CCDC91: variants seen among roughly 807,000 people sequenced by gnomAD.
CCDC91 encodes the protein coiled-coil domain-containing protein 91.
A neutral mutation model predicts 63.2 loss-of-function variants in CCDC91; 48 were observed. The ratio of observed to expected loss-of-function variants is 0.76; its 90% CI spans 0.60 to 0.97. CCDC91 has a LOEUF of 0.97. Among genes scored for constraint, CCDC91 ranks in the 50% least tolerant of loss-of-function variants. The pLI, the probability that CCDC91 is intolerant of heterozygous loss-of-function variation, is 0.00. For missense variants in CCDC91, 500 were observed against 494.6 expected (o/e 1.01, Z -0.10); for synonymous variants, 167 against 165.8 (o/e 1.01, Z -0.06).
intron 8 of CCDC91, among the ~76,000 whole-genome samples, chr12:28,448,152 T>C (rs1949627857): frequency 6.6e-6 from 1 of 152,124 alleles, no homozygotes; most frequent in Non-Finnish European, 1.5e-5. Context: ...AGGGTAGGAT[T>C]ATTGTTGAAA....
Position 28,450,272 on chromosome 12 carries a change from T to C in CCDC91, c.855+19T>C, listed in dbSNP as rs1264351562. The C allele has an allele frequency of 6.3e-7, 1 of 1,585,844 alleles. No individual in the cohort carries two copies. Among genetic ancestry groups the C allele is most frequent in the African/African-American group, 1.3e-5 (1 of 74,324 alleles). The stretch of plus-strand genomic sequence containing the variant: ...ACAGAAGGTAATACTTTAACTGTGC[T>C]CAGAGTGTAGAAAGAATGTGTTCTG... On this transcript the variant is annotated intron_variant, in intron 9 of 12. Transcript: ENST00000536442.
chr12:28,387,017 C>T (rs1945645751), intron 7 of CCDC91, among the ~76,000 whole-genome samples: 1 of 151,884 alleles, frequency 6.6e-6, no homozygotes, highest in Non-Finnish European at 1.5e-5. Flanking sequence ...CAGAAGAAGA[C>T]AATCAGCAAA....
chr12:28,391,326 A>G lies in CCDC91; in HGVS notation c.677A>G (p.Lys226Arg). 1 of 1,612,634 alleles carries G rather than the reference A, an allele frequency of 6.2e-7. No homozygotes were observed. Among genetic ancestry groups the G allele is most frequent in the Non-Finnish European group, 8.5e-7 (1 of 1,178,830 alleles). Residue 226 changes from lysine (K) to arginine (R), a missense_variant, in exon 8 of 13, where the codon AAG becomes AGG. Coordinates refer to ENST00000536442, the MANE Select transcript of CCDC91 (RefSeq NM_018318.5). ...CAGGCACTACTGCAGTCTTCAGTTAAGCAACAAGTAGAAGCTATTGAAAAA... is the reference window on the plus strand; with the variant it reads ...CAGGCACTACTGCAGTCTTCAGTTAGGCAACAAGTAGAAGCTATTGAAAAA... ...EYKALLQSSV[K>R]QQVEAIEKQY...
intron 8 of CCDC91, among the ~76,000 whole-genome samples, chr12:28,439,344 C>G (rs1398982077): frequency 3.3e-5 from 5 of 152,068 alleles, no homozygotes; most frequent in Non-Finnish European, 7.4e-5. Flanking sequence ...GTCCGTGAAT[C>G]ATTTTATTTT....
intron 12 of CCDC91, among the ~76,000 whole-genome samples, chr12:28,523,468 C>G (rs967176284): frequency 3.9e-5 from 6 of 152,086 alleles, no homozygotes; most frequent in African/African-American, 1.2e-4. Flanking sequence ...CTATGTGTGT[C>G]TCTGCACATG....
intron 6 of CCDC91, among the ~76,000 whole-genome samples, chr12:28,357,975 G>A (rs1364643167): frequency 6.6e-6 from 1 of 152,114 alleles, no homozygotes; most frequent in Non-Finnish European, 1.5e-5. Context: ...ATGAATTTTA[G>A]TATGACTATT....
intron 12 of CCDC91, among the ~76,000 whole-genome samples, chr12:28,498,739 T>C (rs1952452203): frequency 6.6e-6 from 1 of 151,764 alleles, no homozygotes; most frequent in South Asian, 2.1e-4. Flanking sequence ...ATTATGTTCA[T>C]GTTTTTATCA....
chr12:28,248,060 C>T (rs1157542744), intron 1 of CCDC91, among the ~76,000 whole-genome samples: 2 of 152,038 alleles, frequency 1.3e-5, no homozygotes, highest in Admixed American at 1.3e-4. Context: ...TTCGTGTCCG[C>T]GGGTTGGGGA....
intron 8 of CCDC91, among the ~76,000 whole-genome samples, chr12:28,443,795 A>G (rs1384833314): frequency 2.0e-5 from 3 of 152,202 alleles, no homozygotes; most frequent in Admixed American, 6.5e-5. Context: ...ACAAAATAGA[A>G]TAAAAATTAT....
chr12:28,207,301 C>CAGTT (rs1942927714), intron 1 of CCDC91, among the ~76,000 whole-genome samples: 1 of 152,068 alleles, frequency 6.6e-6, no homozygotes, highest in South Asian at 2.1e-4. Context: ...AATGGGTGTA[C>CAGTT]AGTTCCAAGA....
intron 1 of CCDC91, among the ~76,000 whole-genome samples, chr12:28,228,034 T>C (rs1944377454): frequency 6.6e-6 from 1 of 152,064 alleles, no homozygotes; most frequent in Non-Finnish European, 1.5e-5. Context: ...TTATTGTTCT[T>C]TGCCTCCTTC....
intron 1 of CCDC91, among the ~76,000 whole-genome samples, chr12:28,203,762 A>G (rs7957503): frequency 0.26 from 39,672 of 152,048 alleles, 5,440 homozygotes; most frequent in Non-Finnish European, 0.31. Flanking sequence ...CAGACATAGA[A>G]CATTATTAGC....
At chr12:28,496,123 G>A (rs1033420719) in intron 12 of CCDC91, among the ~76,000 whole-genome samples, 5 of 151,538 alleles carry the variant, frequency 3.3e-5, no homozygotes, top group Non-Finnish European at 7.4e-5. Flanking sequence ...TTATTAAAAC[G>A]ATATTAGGTA....
intron 6 of CCDC91, among the ~76,000 whole-genome samples, chr12:28,344,694 C>G (rs1208372575): frequency 2.0e-5 from 3 of 152,236 alleles, no homozygotes; most frequent in Admixed American, 2.0e-4. Flanking sequence ...CACAATAACC[C>G]TGTGAGATTG....
intron 8 of CCDC91, among the ~76,000 whole-genome samples, chr12:28,431,400 A>G (rs1948617898): frequency 1.3e-5 from 2 of 152,036 alleles, no homozygotes; most frequent in Non-Finnish European, 2.9e-5. Flanking sequence ...TGGAATATGA[A>G]GTTATGTTAT....
intron 1 of CCDC91, among the ~76,000 whole-genome samples, chr12:28,199,582 CT>C (rs1318208381): frequency 2.6e-5 from 4 of 152,058 alleles, no homozygotes; most frequent in African/African-American, 9.7e-5. Flanking sequence ...GTCTCTTGTC[CT>C]TTCAGTTCAG....
At chr12:28,405,384 T>C (rs1946873458) in intron 8 of CCDC91, among the ~76,000 whole-genome samples, 1 of 152,288 alleles carries the variant, frequency 6.6e-6, no homozygotes, top group South Asian at 2.1e-4. Flanking sequence ...CTCATATATA[T>C]TGTTGCTATT....
intron 11 of CCDC91, among the ~76,000 whole-genome samples, chr12:28,480,661 T>G (rs756924192): frequency 6.6e-6 from 1 of 151,998 alleles, no homozygotes; most frequent in Non-Finnish European, 1.5e-5. Flanking sequence ...ACTTTTAGAG[T>G]AATACATAAT....
At chr12:28,234,026 A>G (rs1237147249) in intron 1 of CCDC91, among the ~76,000 whole-genome samples, 1 of 152,144 alleles carries the variant, frequency 6.6e-6, no homozygotes, top group Non-Finnish European at 1.5e-5. Flanking sequence ...GCATCCACAG[A>G]ACTCATCTTG....
Sources: allele counts gnomAD v4.1 joint callset (sites outside exome capture counted in the v4.1 genomes callset), GRCh38; gene constraint gnomAD v4.1.1; transcripts MANE v1.5; gene names NCBI Gene and HGNC (gene_info 2026-07-23, HGNC 2026-07-21).